Variants in OR10J1 observed in about 807,000 individuals in gnomAD.
The protein encoded by OR10J1 is olfactory receptor 10J1.
For synonymous variants in OR10J1, 202 were observed against 143.8 expected, an observed-to-expected ratio of 1.40 and a Z score of -2.89; for missense variants, 474 against 376.6, an observed-to-expected ratio of 1.26 and a Z score of -2.14.
the OR10J1 span, among the ~76,000 whole-genome samples, chr1:159,407,634 C>T: frequency 6.6e-6 from 1 of 152,066 alleles, no homozygotes; most frequent in Non-Finnish European, 1.5e-5. Context: ...TGCATGAATA[C>T]AATCAATTTT....
At chr1:159,433,939 GC>G (rs1655662644), upstream of OR10J1, among the ~76,000 whole-genome samples, 1 of 152,130 alleles carries the variant, frequency 6.6e-6, no homozygotes, top group Non-Finnish European at 1.5e-5. Flanking sequence ...GCTGTGAGAA[GC>G]TAAAATACAT....
upstream of OR10J1, among the ~76,000 whole-genome samples, chr1:159,435,401 A>C (rs1338093531): frequency 2.0e-5 from 3 of 152,212 alleles, no homozygotes; most frequent in Non-Finnish European, 4.4e-5. Flanking sequence ...AGTATTTTTT[A>C]AAGTACCATA....
chr1:159,428,983 G>T, the OR10J1 span, among the ~76,000 whole-genome samples: 1 of 152,192 alleles, frequency 6.6e-6, no homozygotes, highest in East Asian at 1.9e-4. Flanking sequence ...GGGTATCCTG[G>T]GGGATTTGAT....
the OR10J1 span, among the ~76,000 whole-genome samples, chr1:159,429,364 T>C: frequency 6.6e-6 from 1 of 152,162 alleles, no homozygotes. Context: ...ACCTCAGAGG[T>C]AGGTCCTTCA....
the OR10J1 span, among the ~76,000 whole-genome samples, chr1:159,414,443 A>T: frequency 6.6e-6 from 1 of 152,140 alleles, no homozygotes; most frequent in Non-Finnish European, 1.5e-5. Context: ...ATGGTCAAAC[A>T]GTATTCCATT....
chr1:159,430,666 T>C, the OR10J1 span, among the ~76,000 whole-genome samples: 54 of 71,980 alleles, frequency 7.5e-4, no homozygotes, highest in African/African-American at 1.9e-3. Flanking sequence ...TGTGTGTGTG[T>C]GTGCGCGCGC....
chr1:159,416,591 C>T, the OR10J1 span, among the ~76,000 whole-genome samples: 1 of 151,518 alleles, frequency 6.6e-6, no homozygotes, highest in Admixed American at 6.6e-5. Context: ...GGTAATGCTG[C>T]CTCATACAAT....
chr1:159,432,535 A>T, the OR10J1 span: 1 of 467,294 alleles, frequency 2.1e-6, no homozygotes, highest in Non-Finnish European at 3.9e-6. Context: ...TTTGGTGTCA[A>T]TAAATGCTTC....
chr1:159,428,311 A>G, the OR10J1 span, among the ~76,000 whole-genome samples: 1 of 152,118 alleles, frequency 6.6e-6, no homozygotes, highest in East Asian at 1.9e-4. Flanking sequence ...TTCATCCTAG[A>G]TTTTCTTAGC....
chr1:159,417,469 G>C, the OR10J1 span, among the ~76,000 whole-genome samples: 1 of 152,058 alleles, frequency 6.6e-6, no homozygotes, highest in Non-Finnish European at 1.5e-5. Flanking sequence ...TCTCATAATA[G>C]TGAATAAGTC....
upstream of OR10J1, among the ~76,000 whole-genome samples, chr1:159,433,527 C>CA (rs1381734323): frequency 6.6e-6 from 1 of 152,060 alleles, no homozygotes; most frequent in Non-Finnish European, 1.5e-5. Context: ...ATGAATGACA[C>CA]AAAGGGTACA....
At chr1:159,411,119 C>T in the OR10J1 span, among the ~76,000 whole-genome samples, 1 of 151,596 alleles carries the variant, frequency 6.6e-6, no homozygotes, top group Non-Finnish European at 1.5e-5. Flanking sequence ...TTACTTCCAA[C>T]TATGTGGTCA....
chr1:159,428,208 A>G, the OR10J1 span, among the ~76,000 whole-genome samples: 1 of 152,168 alleles, frequency 6.6e-6, no homozygotes, highest in South Asian at 2.1e-4. Context: ...AATGAGAGAG[A>G]TAAAAATCAG....
chr1:159,433,840 T>C (rs983332114), upstream of OR10J1, among the ~76,000 whole-genome samples: 1 of 152,160 alleles, frequency 6.6e-6, no homozygotes, highest in Non-Finnish European at 1.5e-5. Context: ...ATCTGTTGCA[T>C]GTAGAACAGT....
the OR10J1 span, among the ~76,000 whole-genome samples, chr1:159,422,107 C>A: frequency 6.6e-6 from 1 of 152,094 alleles, no homozygotes; most frequent in African/African-American, 2.4e-5. Context: ...GACCTCAGAC[C>A]CCAACAGTAG....
chr1:159,438,635 G>C (rs1405044424), upstream of OR10J1, among the ~76,000 whole-genome samples: 1 of 152,132 alleles, frequency 6.6e-6, no homozygotes, highest in Non-Finnish European at 1.5e-5. Context: ...TTAACAGCTG[G>C]TCATCAACTT....
chr1:159,410,605 C>G, the OR10J1 span, among the ~76,000 whole-genome samples: 1 of 151,334 alleles, frequency 6.6e-6, no homozygotes, highest in South Asian at 2.1e-4. Context: ...CTTTATTAGT[C>G]TTGCTAGCAG....
rs1183589034 is a variant in OR10J1 at position 159,439,927 on chromosome 1, G to A, written c.136G>A (p.Val46Met). The A allele has an allele frequency of 5.6e-6, 9 of 1,613,904 alleles. No individual in the cohort carries two copies. The highest frequency in any genetic ancestry group is 7.6e-6 in the Non-Finnish European group (9 of 1,180,004). ...ILTLAGNIII[V>M]TIIRMDLHLH... ...AACCTTAGCAGGCAATATCATCATT[G>A]TGACCATCATCCGAATGGATCTTCA... is the stretch of plus-strand genomic sequence containing the variant. Residue 46 changes from valine (V) to methionine (M), a missense_variant, in exon 1 of 1, where the codon GTG becomes ATG. Transcript: ENST00000423932.
At chr1:159,400,064 A>G in the OR10J1 span, among the ~76,000 whole-genome samples, 15 of 152,272 alleles carry the variant, frequency 9.9e-5, no homozygotes, top group African/African-American at 3.6e-4. Context: ...AATTGTATCA[A>G]CAGAAAAAAT....
Sources: allele counts gnomAD v4.1 joint callset (sites outside exome capture counted in the v4.1 genomes callset), GRCh38; gene constraint gnomAD v4.1.1; transcripts MANE v1.5; gene names NCBI Gene and HGNC (gene_info 2026-07-23, HGNC 2026-07-21).